ARHGAP24: variants seen among roughly 807,000 people sequenced by gnomAD.
ARHGAP24 encodes the protein Rho GTPase activating protein 24, also known as rho GTPase-activating protein 24.
In ARHGAP24, 50 loss-of-function variants were observed where a neutral mutation model predicts 76.4. The ratio of observed to expected loss-of-function variants is 0.65; its 90% CI spans 0.52 to 0.83. The LOEUF is 0.83. Among genes scored for constraint, ARHGAP24 ranks in the 40% least tolerant of loss-of-function variants. ARHGAP24 has a pLI of 0.00. For missense variants in ARHGAP24, 930 were observed against 914.2 expected, an observed-to-expected ratio of 1.02 and a Z score of -0.22; for synonymous variants, 345 against 323.3, an observed-to-expected ratio of 1.07 and a Z score of -0.72.
chr4:85,579,447 G>GATATATT (rs1560539894), intron 2 of ARHGAP24, among the ~76,000 whole-genome samples: 1 of 148,926 alleles, frequency 6.7e-6, no homozygotes, highest in African/African-American at 2.5e-5. Flanking sequence ...TTTTGCCCTT[G>GATATATT]ATATATTAAA....
At chr4:85,571,460 A>G (rs1219843636) in intron 2 of ARHGAP24, among the ~76,000 whole-genome samples, 1 of 152,206 alleles carries the variant, frequency 6.6e-6, no homozygotes, top group Admixed American at 6.5e-5. Context: ...TGTGTTTTTC[A>G]TCTACGTCTA....
chr4:85,941,388 A>G (rs749626642), intron 4 of ARHGAP24, among the ~76,000 whole-genome samples: 6 of 152,192 alleles, frequency 3.9e-5, no homozygotes, highest in Non-Finnish European at 7.4e-5. Flanking sequence ...TAAACAATGT[A>G]CATGATAAAA....
Position 85,721,956 on chromosome 4 carries a change from T to C in ARHGAP24, c.252T>C (p.Leu84=). 3 of 1,613,286 alleles carry C rather than the reference T, an allele frequency of 1.9e-6. No individual in the cohort carries two copies. The highest frequency in any genetic ancestry group is 2.5e-6 in the Non-Finnish European group (3 of 1,179,460). Residue 84 remains leucine (L), a synonymous_variant, in exon 3 of 10, where the codon CTT becomes CTC. Transcript: ENST00000395184. ...PCNEENPGKF[L]FEVVPGGDRD... Reference sequence around the variant, plus strand: ...ATGAAGAGAACCCAGGGAAGTTCCTTTTTGAAGTAGTTCCAGGTAAGATAT... The same window carrying C: ...ATGAAGAGAACCCAGGGAAGTTCCTCTTTGAAGTAGTTCCAGGTAAGATAT...
intron 2 of ARHGAP24, among the ~76,000 whole-genome samples, chr4:85,668,945 T>A (rs1456336714): frequency 1.3e-5 from 2 of 152,210 alleles, no homozygotes; most frequent in Non-Finnish European, 2.9e-5. Context: ...GAGTCTGAAC[T>A]AAGATGAACA....
intron 3 of ARHGAP24, among the ~76,000 whole-genome samples, chr4:85,724,491 GTATATATATATATATA>G (rs60930279): frequency 9.3e-5 from 1 of 10,710 alleles, no homozygotes; most frequent in African/African-American, 1.2e-4. Context: ...TTCCATGTGT[GTATATATATATATATA>G]TATATATATA....
chr4:85,818,949 T>C (rs1729358233), intron 3 of ARHGAP24, among the ~76,000 whole-genome samples: 1 of 152,204 alleles, frequency 6.6e-6, no homozygotes, highest in African/African-American at 2.4e-5. Flanking sequence ...TCACAACAGA[T>C]TGCCGTTATA....
intron 5 of ARHGAP24, among the ~76,000 whole-genome samples, chr4:85,955,640 C>A (rs1287901080): frequency 2.6e-5 from 4 of 152,096 alleles, no homozygotes; most frequent in Non-Finnish European, 5.9e-5. Flanking sequence ...GTCCTAAAAC[C>A]ATAACTTGGG....
intron 2 of ARHGAP24, among the ~76,000 whole-genome samples, chr4:85,708,561 T>C (rs1344433906): frequency 6.6e-6 from 1 of 152,202 alleles, no homozygotes; most frequent in Admixed American, 6.6e-5. Context: ...TATCCTCTTA[T>C]CCACTTTACT....
At chr4:85,805,535 T>C (rs548832665) in intron 3 of ARHGAP24, among the ~76,000 whole-genome samples, 1 of 152,334 alleles carries the variant, frequency 6.6e-6, no homozygotes, top group South Asian at 2.1e-4. Context: ...ATGTAAAATT[T>C]TCTCCTCAGC....
chr4:85,595,814 A>G (rs1386040933), intron 2 of ARHGAP24, among the ~76,000 whole-genome samples: 1 of 152,062 alleles, frequency 6.6e-6, no homozygotes, highest in Non-Finnish European at 1.5e-5. Context: ...CTGATAACTA[A>G]TGCTAGGTAT....
intron 2 of ARHGAP24, among the ~76,000 whole-genome samples, chr4:85,667,392 G>T (rs556785775): frequency 6.6e-6 from 1 of 152,258 alleles, no homozygotes; most frequent in South Asian, 2.1e-4. Flanking sequence ...TTTTCCAGGT[G>T]CCATCTGTCA....
intron 5 of ARHGAP24, among the ~76,000 whole-genome samples, chr4:85,961,308 AG>A (rs1738231084): frequency 1.2e-5 from 1 of 86,078 alleles, no homozygotes; most frequent in Non-Finnish European, 2.3e-5. Flanking sequence ...TTGAAGTAAA[AG>A]GGACAAGTTT....
At chr4:85,542,068 C>G (rs1219450951) in intron 1 of ARHGAP24, among the ~76,000 whole-genome samples, 1 of 152,232 alleles carries the variant, frequency 6.6e-6, no homozygotes, top group Non-Finnish European at 1.5e-5. Flanking sequence ...CATCTTAAAA[C>G]CTTTAACTCT....
At chr4:85,869,049 C>A (rs1225280610) in intron 3 of ARHGAP24, among the ~76,000 whole-genome samples, 12 of 152,130 alleles carry the variant, frequency 7.9e-5, no homozygotes, top group Non-Finnish European at 8.8e-5. Flanking sequence ...ATACCAACTA[C>A]TTCCTGCTGC....
At chr4:85,956,926 G>T (rs1460237962) in intron 5 of ARHGAP24, among the ~76,000 whole-genome samples, 1 of 152,230 alleles carries the variant, frequency 6.6e-6, no homozygotes, top group Non-Finnish European at 1.5e-5. Context: ...GACCCAAAGA[G>T]GGTAGCTGTT....
At chr4:85,790,119 T>C (rs1266072334) in intron 3 of ARHGAP24, among the ~76,000 whole-genome samples, 3 of 152,146 alleles carry the variant, frequency 2.0e-5, no homozygotes, top group Admixed American at 2.0e-4. Flanking sequence ...GGCCCCAGAA[T>C]ATGCATTTTA....
intron 2 of ARHGAP24, among the ~76,000 whole-genome samples, chr4:85,713,628 TCTGA>T (rs138220954): frequency 0.18 from 26,888 of 151,974 alleles, 2,960 homozygotes; most frequent in East Asian, 0.57. Flanking sequence ...CAATTGTGTC[TCTGA>T]CTATCAGCTG....
At chr4:85,923,512 G>A (rs1735846675) in intron 3 of ARHGAP24, 136 bp from the exon 4 acceptor site, 1 of 1,267,936 alleles carries the variant, frequency 7.9e-7, no homozygotes, top group African/African-American at 1.5e-5. Flanking sequence ...AGAAACCATG[G>A]TAAATATTTC....
chr4:85,489,498 A>G (rs1723275409), intron 1 of ARHGAP24, among the ~76,000 whole-genome samples: 1 of 152,194 alleles, frequency 6.6e-6, no homozygotes, highest in African/African-American at 2.4e-5. Flanking sequence ...TTTCTTAAAC[A>G]GGAGAGGTCA....
Sources: gnomAD v4.1 joint callset for allele counts (sites outside exome capture counted in the v4.1 genomes callset) on GRCh38, gnomAD v4.1.1 for gene constraint, MANE v1.5 for transcripts, NCBI Gene and HGNC (gene_info 2026-07-23, HGNC 2026-07-21) for gene names.